Variants in ADAP1 observed in about 807,000 individuals in gnomAD.
ADAP1 encodes the protein ArfGAP with dual PH domains 1.
A neutral mutation model predicts 54.9 loss-of-function variants in ADAP1; 31 were observed. The observed-to-expected ratio is 0.56, with a 90% CI of 0.42 to 0.76. The LOEUF is 0.76. ADAP1 is among the 30% of genes least tolerant of loss of function. The probability of loss-of-function intolerance (pLI) is 0.00; values close to 1 mark genes in which losing one functional copy is unlikely to be tolerated. For missense variants in ADAP1, 535 were observed against 512.4 expected (o/e 1.04, Z -0.42); for synonymous variants, 313 against 202.6 (o/e 1.55, Z -4.63).
At position 897,990 on chromosome 7, in the gene ADAP1, C is replaced by T. The variant is rs1380866942; in HGVS notation, c.*931G>A. On this transcript the variant is annotated 3_prime_UTR_variant, in exon 11 of 11. Transcript: ENST00000265846. ...GAAACCCCCTCCCTGCCTATGAGGGCTTGTCCAGGGCTCCCCTGGAACACA... is the reference window on the plus strand; with the variant it reads ...GAAACCCCCTCCCTGCCTATGAGGGTTTGTCCAGGGCTCCCCTGGAACACA... 2 of 152,354 alleles carry T rather than the reference C, an allele frequency of 1.3e-5. No homozygotes were observed. The highest frequency in any genetic ancestry group is 3.9e-4 in the East Asian group (2 of 5,164). 9.4% of individuals were successfully genotyped at this position (152,354 alleles called of 1,614,324 possible). A position where few individuals can be genotyped will look rare whatever the true frequency, so the allele number is the denominator to read the frequency against.
intron 6 of ADAP1, among the ~76,000 whole-genome samples, chr7:903,698 CT>C (rs1844936904): frequency 6.6e-6 from 1 of 152,106 alleles, no homozygotes; most frequent in African/African-American, 2.4e-5. Flanking sequence ...CAAAGGAACC[CT>C]ACCCAAACCA....
chr7:932,386 A>G (rs1846613733), intron 2 of ADAP1, among the ~76,000 whole-genome samples: 1 of 151,816 alleles, frequency 6.6e-6, no homozygotes, highest in African/African-American at 2.4e-5. Flanking sequence ...TGAACGCCCC[A>G]CCCCTGGGCC....
intron 1 of ADAP1, among the ~76,000 whole-genome samples, chr7:940,415 G>A (rs1846913118): frequency 6.6e-6 from 1 of 151,886 alleles, no homozygotes; most frequent in African/African-American, 2.4e-5. Flanking sequence ...CAAAAGACGA[G>A]AGCCAGTTAA....
At chr7:937,364 C>T (rs1245856497) in intron 1 of ADAP1, among the ~76,000 whole-genome samples, 1 of 53,104 alleles carries the variant, frequency 1.9e-5, no homozygotes. Flanking sequence ...GGGGTCACGC[C>T]GGGCCTCTGG....
At chr7:951,021 T>A (rs1387908320) in intron 1 of ADAP1, among the ~76,000 whole-genome samples, 2 of 151,240 alleles carry the variant, frequency 1.3e-5, no homozygotes, top group African/African-American at 4.9e-5. Context: ...GCACGGTGAG[T>A]GAACGTGCTC....
intron 6 of ADAP1, chr7:903,825 T>G (rs140322117): frequency 0.042 from 13,127 of 312,282 alleles, 405 homozygotes; most frequent in Non-Finnish European, 0.057. Context: ...CAGCCCCCAC[T>G]GACAGGGCCA....
intron 4 of ADAP1, among the ~76,000 whole-genome samples, chr7:919,520 G>A (rs75363594): frequency 0.013 from 1,982 of 148,408 alleles, 37 homozygotes; most frequent in African/African-American, 0.047. Context: ...CTGTCCACAC[G>A]AGAGGGAGGG....
chr7:953,272 C>T (rs572493286), intron 1 of ADAP1, among the ~76,000 whole-genome samples: 83 of 152,342 alleles, frequency 5.4e-4, no homozygotes, highest in Non-Finnish European at 9.4e-4. Context: ...CCTGTCTTTC[C>T]AGAAAAGCCT....
At chr7:919,094 C>T (rs1008541551) in intron 4 of ADAP1, among the ~76,000 whole-genome samples, 1 of 152,212 alleles carries the variant, frequency 6.6e-6, no homozygotes, top group South Asian at 2.1e-4. Flanking sequence ...CCCGCCAGCC[C>T]ACGAAGCTCC....
intron 2 of ADAP1, among the ~76,000 whole-genome samples, chr7:933,414 T>C (rs1033677244): frequency 2.0e-5 from 3 of 152,200 alleles, no homozygotes; most frequent in South Asian, 4.1e-4. Flanking sequence ...GTGTGACCCA[T>C]GCACCAAGGC....
At position 905,458 on chromosome 7, in the gene ADAP1, A is replaced by AG. The variant is rs1554271805; in HGVS notation, c.389-287_389-286insC. The AG allele has an allele frequency of 1.5e-3, 196 of 127,342 alleles. 7 individuals are homozygous for AG. Among genetic ancestry groups the AG allele is most frequent in the Admixed American group, 3.8e-3 (43 of 11,410 alleles). 7.9% of individuals were successfully genotyped at this position (127,342 alleles called of 1,614,324 possible). Reference sequence around the variant, plus strand: ...GAGAAAGGGAGAAAGGGAGAAAGGGAAAGGAGAAAGGAGAAAGGGAAAGGA... The same window carrying AG: ...GAGAAAGGGAGAAAGGGAGAAAGGGAGAAGGAGAAAGGAGAAAGGGAAAGGA... On this transcript the variant is annotated intron_variant, in intron 4 of 10. Coordinates refer to ENST00000265846, the MANE Select transcript of ADAP1 (RefSeq NM_006869.4).
chr7:930,573 C>T (rs1367795513), intron 2 of ADAP1, among the ~76,000 whole-genome samples: 2 of 151,402 alleles, frequency 1.3e-5, no homozygotes, highest in Non-Finnish European at 2.9e-5. Flanking sequence ...AATCCCAGAA[C>T]TTTGGGAGGC....
At chr7:900,829 G>T in intron 6 of ADAP1, 1 of 645,242 alleles carries the variant, frequency 1.5e-6, no homozygotes, top group East Asian at 2.9e-5. Context: ...CCCCTCTGCG[G>T]GAGGGCAGGT....
chr7:918,856 C>T (rs6972014), intron 4 of ADAP1, among the ~76,000 whole-genome samples: 5,271 of 152,282 alleles, frequency 0.035, 372 homozygotes, highest in East Asian at 0.27. Context: ...CCAGCCCACC[C>T]GGCTGGGGGC....
In ADAP1 at chr7:954,559, C is replaced by A; in HGVS notation, c.-82G>T. On this transcript the variant is annotated 5_prime_UTR_variant, in exon 1 of 11. Coordinates refer to ENST00000265846, the MANE Select transcript of ADAP1 (RefSeq NM_006869.4). ...GCTCGCTAGGGCCCCGCGCAGGCCG[C>A]CCGCCGCCGCCGCCCCTGCGCCATC... The A allele has an allele frequency of 1.0e-6, 1 of 989,306 alleles. No homozygotes were observed. The highest frequency in any genetic ancestry group is 1.2e-6 in the Non-Finnish European group (1 of 833,806). The allele number at this position is 989,306 out of a possible 1,614,324, so 61.3% of individuals were successfully genotyped here. A position where few individuals can be genotyped will look rare whatever the true frequency, so the allele number is the denominator to read the frequency against.
intron 2 of ADAP1, chr7:927,098 G>A: frequency 2.3e-6 from 3 of 1,304,318 alleles, no homozygotes; most frequent in Non-Finnish European, 2.0e-6. Flanking sequence ...GGGGCCTGGA[G>A]ATGGGCTGGT....
upstream of ADAP1, among the ~76,000 whole-genome samples, chr7:955,071 T>C (rs1171011554): frequency 6.6e-6 from 1 of 152,038 alleles, no homozygotes; most frequent in Non-Finnish European, 1.5e-5. Context: ...GCTCACACCA[T>C]CCCTGCCTGG....
chr7:936,525 C>T (rs569209207), intron 1 of ADAP1, among the ~76,000 whole-genome samples: 5 of 152,234 alleles, frequency 3.3e-5, no homozygotes, highest in African/African-American at 4.8e-5. Context: ...TGCTGCTGCA[C>T]GTGTGAAATG....
At chr7:952,042 C>T (rs182678448) in intron 1 of ADAP1, among the ~76,000 whole-genome samples, 1 of 152,104 alleles carries the variant, frequency 6.6e-6, no homozygotes, top group Admixed American at 6.6e-5. Flanking sequence ...AACCCCCTCC[C>T]AGGATGGAGA....
Sources: allele counts gnomAD v4.1 joint callset (sites outside exome capture counted in the v4.1 genomes callset), GRCh38; gene constraint gnomAD v4.1.1; transcripts MANE v1.5; gene names NCBI Gene and HGNC (gene_info 2026-07-23, HGNC 2026-07-21).